Variants in MACROD2 observed in about 807,000 individuals in gnomAD.
The protein encoded by MACROD2 is ADP-ribose glycohydrolase MACROD2.
A neutral mutation model predicts 70.4 loss-of-function variants in MACROD2; 36 were observed. The observed-to-expected ratio is 0.51, with a 90% CI of 0.39 to 0.68. The LOEUF (loss-of-function observed/expected upper bound fraction) is 0.68, where lower values mean the gene tolerates loss of function less well. Among genes scored for constraint, MACROD2 ranks in the 30% least tolerant of loss-of-function variants. MACROD2 has a pLI of 0.00. For missense variants in MACROD2, 496 were observed against 538.4 expected, an observed-to-expected ratio of 0.92 and a Z score of 0.78; for synonymous variants, 172 against 178.8, an observed-to-expected ratio of 0.96 and a Z score of 0.30.
At chr20:14,932,768 A>G (rs1354934565) in intron 5 of MACROD2, among the ~76,000 whole-genome samples, 2 of 151,988 alleles carry the variant, frequency 1.3e-5, no homozygotes, top group African/African-American at 4.8e-5. Context: ...AGGTTTCACT[A>G]TGTTGGCCAG....
At chr20:14,642,082 A>G (rs117181215) in intron 4 of MACROD2, among the ~76,000 whole-genome samples, 4,264 of 152,308 alleles carry the variant, frequency 0.028, 91 homozygotes, top group Non-Finnish European at 0.038. Context: ...TGTTTTAGCT[A>G]GATCTTCTGG....
intron 5 of MACROD2, among the ~76,000 whole-genome samples, chr20:15,125,813 A>G (rs1179466732): frequency 1.3e-5 from 2 of 151,772 alleles, no homozygotes; most frequent in African/African-American, 4.8e-5. Context: ...TCATTCTCCA[A>G]AATAAACCTT....
chr20:14,749,564 A>C (rs2071842987), intron 5 of MACROD2, among the ~76,000 whole-genome samples: 1 of 152,234 alleles, frequency 6.6e-6, no homozygotes, highest in South Asian at 2.1e-4. Context: ...ATACCCCCAA[A>C]ATATAATATG....
intron 5 of MACROD2, among the ~76,000 whole-genome samples, chr20:15,001,577 A>G (rs978893014): frequency 2.6e-5 from 4 of 152,094 alleles, no homozygotes; most frequent in Non-Finnish European, 4.4e-5. Context: ...GCAATATGCT[A>G]TGTCCATTTT....
At chr20:15,783,115 G>T (rs2051863187) in intron 8 of MACROD2, among the ~76,000 whole-genome samples, 1 of 151,926 alleles carries the variant, frequency 6.6e-6, no homozygotes, top group Non-Finnish European at 1.5e-5. Flanking sequence ...CCTGTATGTG[G>T]CTTGTTTATT....
intron 12 of MACROD2, among the ~76,000 whole-genome samples, chr20:15,949,233 T>G (rs1258188753): frequency 2.0e-5 from 3 of 152,202 alleles, no homozygotes; most frequent in Non-Finnish European, 2.9e-5. Flanking sequence ...ATATTTAAAG[T>G]GCTTACAGCA....
intron 2 of MACROD2, among the ~76,000 whole-genome samples, chr20:14,007,842 A>C (rs1171751791): frequency 2.6e-5 from 4 of 152,180 alleles, no homozygotes; most frequent in Non-Finnish European, 5.9e-5. Flanking sequence ...CTATGGCTAT[A>C]AGTTTAGATT....
chr20:15,567,800 G>A lies in MACROD2; in HGVS notation c.645+67953G>A, dbSNP rs1248244046. Reference sequence around the variant, plus strand: ...GGAAAACTTGGCCTGCTTAAAGAGGGCAGCTGTTTCTCTGCTCCAGTGAAT... The same window carrying A: ...GGAAAACTTGGCCTGCTTAAAGAGGACAGCTGTTTCTCTGCTCCAGTGAAT... On this transcript the variant is annotated intron_variant, in intron 8 of 17. Transcript: ENST00000684519. Among the ~76,000 whole-genome samples the A allele has an allele frequency of 3.3e-5, 5 of 152,330 alleles. No homozygotes were observed. The South Asian group carries it at 8.3e-4, about 25-fold the overall frequency.
intron 5 of MACROD2, among the ~76,000 whole-genome samples, chr20:15,187,519 C>T (rs2076541917): frequency 6.6e-6 from 1 of 152,106 alleles, no homozygotes; most frequent in African/African-American, 2.4e-5. Context: ...CCATGCACAA[C>T]AGGGACCATT....
intron 4 of MACROD2, among the ~76,000 whole-genome samples, chr20:14,543,181 A>G (rs945616294): frequency 1.3e-5 from 2 of 152,116 alleles, no homozygotes; most frequent in Admixed American, 1.3e-4. Context: ...CAAACCCTAT[A>G]TGTATTATGT....
intron 5 of MACROD2, among the ~76,000 whole-genome samples, chr20:15,019,568 G>A (rs1366152999): frequency 6.6e-6 from 1 of 152,138 alleles, no homozygotes; most frequent in Non-Finnish European, 1.5e-5. Flanking sequence ...CTAACAGACA[G>A]CTTTCCTTTT....
intron 5 of MACROD2, among the ~76,000 whole-genome samples, chr20:15,106,698 T>A (rs1407876787): frequency 6.6e-6 from 1 of 152,156 alleles, no homozygotes; most frequent in Non-Finnish European, 1.5e-5. Flanking sequence ...TTGATATGTC[T>A]TCTGGATAGT....
At position 15,342,796 on chromosome 20, in the gene MACROD2, G is replaced by T. The variant is rs185044109; in HGVS notation, c.541-88609G>T. On this transcript the variant is annotated intron_variant, in intron 6 of 17. Transcript: ENST00000684519. ...TCGGAGGGGTGGAACTTCATTGGTG[G>T]TACGGGAATATATGTGACCTTATTA... Among the ~76,000 whole-genome samples the T allele has an allele frequency of 2.3e-4, 35 of 152,220 alleles. No homozygotes were observed. The East Asian group carries it at 4.1e-3, about 18-fold the overall frequency.
chr20:14,076,310 T>C (rs1032837837), intron 2 of MACROD2, among the ~76,000 whole-genome samples: 4 of 152,120 alleles, frequency 2.6e-5, no homozygotes, highest in African/African-American at 9.7e-5. Flanking sequence ...ATAAGTTAAA[T>C]ATTCCAAAAA....
intron 16 of MACROD2, 26 bp downstream of exon 16, chr20:16,041,304 A>G (rs979494384): frequency 1.0e-5 from 16 of 1,574,748 alleles, no homozygotes; most frequent in Middle Eastern, 1.7e-4. Flanking sequence ...ATTGGAGCCC[A>G]TGGAAACTAC....
At chr20:14,748,088 A>T (rs569518502) in intron 5 of MACROD2, among the ~76,000 whole-genome samples, 2 of 152,220 alleles carry the variant, frequency 1.3e-5, no homozygotes, top group South Asian at 4.2e-4. Context: ...AGATTCTCAT[A>T]GGAGGATCCT....
intron 9 of MACROD2, among the ~76,000 whole-genome samples, chr20:15,880,884 T>C (rs2064745399): frequency 6.6e-6 from 1 of 152,048 alleles, no homozygotes; most frequent in South Asian, 2.1e-4. Flanking sequence ...TTTCCCTACA[T>C]AACTTTAACT....
At chr20:14,614,347 G>A (rs1350710596) in intron 4 of MACROD2, among the ~76,000 whole-genome samples, 5 of 152,072 alleles carry the variant, frequency 3.3e-5, no homozygotes, top group East Asian at 3.9e-4. Flanking sequence ...GGTTCTCCAC[G>A]TTGGTGACAC....
At chr20:15,598,597 G>T (rs2048776408) in intron 8 of MACROD2, among the ~76,000 whole-genome samples, 1 of 152,188 alleles carries the variant, frequency 6.6e-6, no homozygotes, top group African/African-American at 2.4e-5. Context: ...TCAGTTATCT[G>T]CAATGTACAT....
Sources: allele counts gnomAD v4.1 joint callset (sites outside exome capture counted in the v4.1 genomes callset), GRCh38; gene constraint gnomAD v4.1.1; transcripts MANE v1.5; gene names NCBI Gene and HGNC (gene_info 2026-07-23, HGNC 2026-07-21).